GOLGA8F: variants seen among roughly 807,000 people sequenced by gnomAD.
The protein encoded by GOLGA8F is golgin subfamily A member 8F.
For synonymous variants in GOLGA8F, 1 was observed against 35.4 expected, an observed-to-expected ratio of 0.03 and a Z score of 3.45; for missense variants, 2 against 93.4, an observed-to-expected ratio of 0.02 and a Z score of 4.03.
chr15:28,389,877 AG>A lies in GOLGA8F; in HGVS notation c.*817del, dbSNP rs2077641549. On this transcript the variant is annotated 3_prime_UTR_variant, in exon 19 of 19. Coordinates refer to ENST00000526619, the MANE Select transcript of GOLGA8F (RefSeq NM_001350920.2). Reference sequence around the variant, plus strand: ...TGTACTCTTTTTTGATGACCTAAAAAGGGCTTATTTCTGAGGAATGAAAGGT... The same window carrying A: ...TGTACTCTTTTTTGATGACCTAAAAAGGCTTATTTCTGAGGAATGAAAGGT... 1 of 150,352 alleles carries A rather than the reference AG, an allele frequency of 6.7e-6. No individual in the cohort carries two copies. The highest frequency in any genetic ancestry group is 2.2e-4 in the South Asian group (1 of 4,634). The allele number at this position is 150,352 out of a possible 1,614,324, so 9.3% of individuals were successfully genotyped here.
At chr15:28,383,793 AC>A in intron 8 of GOLGA8F, among the ~76,000 whole-genome samples, 1 of 20,318 alleles carries the variant, frequency 4.9e-5, no homozygotes, top group Admixed American at 5.4e-4. Flanking sequence ...TTTTTCATCT[AC>A]ACAATAGAGG....
rs1414345625 is a variant in GOLGA8F, at chr15:28,384,385, T to C, written c.724T>C (p.Tyr242His). The C allele has an allele frequency of 5.0e-6, 1 of 200,116 alleles. No homozygotes were observed. The allele number at this position is 200,116 out of a possible 1,614,324, so 12.4% of individuals were successfully genotyped here. A position where few individuals can be genotyped will look rare whatever the true frequency, so the allele number is the denominator to read the frequency against. ...AGAAGTCCAGCTAGAGAGGGATGAA[T>C]ATGCTGAACATCTAAAAGGAGAGAG... Reference protein sequence around the residue: ...LKEVQLERDEYAEHLKGERAR... With the variant: ...LKEVQLERDEHAEHLKGERAR... Residue 242 changes from tyrosine (Y) to histidine (H), a missense_variant, in exon 10 of 19, where the codon TAT becomes CAT. Tyr to His is a moderately conservative substitution (Grantham distance 83). Transcript: ENST00000526619.
intron 1 of GOLGA8F, among the ~76,000 whole-genome samples, chr15:28,380,103 A>G (rs1235806677): frequency 2.1e-5 from 3 of 141,238 alleles, no homozygotes; most frequent in Admixed American, 7.4e-5. Flanking sequence ...ACACATTGAT[A>G]TAAGAGTTTG....
chr15:28,385,070 T>TTG (rs2077584767), intron 11 of GOLGA8F, 55 bp from the exon 12 acceptor site: 2 of 945,168 alleles, frequency 2.1e-6, no homozygotes, highest in Admixed American at 8.0e-5. Context: ...TTCTTTTCTT[T>TTG]TTTTTTTTTT....
At chr15:28,384,313 C>T (rs1255783706) in intron 9 of GOLGA8F, 30 bp from the exon 10 acceptor site, 1 of 228,630 alleles carries the variant, frequency 4.4e-6, no homozygotes, top group East Asian at 2.7e-5. Flanking sequence ...CAGTGACAGC[C>T]CTTCCTAATT....
chr15:28,389,959 T>TACA lies in GOLGA8F; in HGVS notation c.*897_*898insCAA, dbSNP rs1270547653. The stretch of plus-strand genomic sequence containing the variant: ...TTTCCTAGCTTAGAGCATTTGTATC[T>TACA]ATATTTTAAAGTCAGAGTTCATGTT... On this transcript the variant is annotated 3_prime_UTR_variant, in exon 19 of 19. Coordinates refer to ENST00000526619, the MANE Select transcript of GOLGA8F (RefSeq NM_001350920.2). 1 of 149,630 alleles carries TACA rather than the reference T, an allele frequency of 6.7e-6. No individual in the cohort carries two copies. Among genetic ancestry groups the TACA allele is most frequent in the Non-Finnish European group, 1.5e-5 (1 of 67,608 alleles). The allele number at this position is 149,630 out of a possible 1,614,324, so 9.3% of individuals were successfully genotyped here.
chr15:28,380,104 TAA>T (rs2077552114), intron 1 of GOLGA8F, among the ~76,000 whole-genome samples: 1 of 141,446 alleles, frequency 7.1e-6, no homozygotes, highest in South Asian at 2.9e-4. Context: ...CACATTGATA[TAA>T]GAGTTTGAGA....
chr15:28,385,013 T>C (rs1184568693), intron 11 of GOLGA8F, 112 bp from the exon 12 acceptor site: 1 of 713,972 alleles, frequency 1.4e-6, no homozygotes, highest in African/African-American at 2.2e-5. Flanking sequence ...GAGGCTAAGT[T>C]TGAGGAGCCG....
At position 28,384,224 on chromosome 15, in the gene GOLGA8F, G is replaced by A. The variant is rs549401177; in HGVS notation, c.669G>A (p.Ala223=). The A allele has an allele frequency of 7.6e-4, 177 of 232,786 alleles. 6 individuals carry two copies. Among genetic ancestry groups the A allele is most frequent in the African/African-American group, 3.6e-3 (146 of 40,504 alleles). The allele number at this position is 232,786 out of a possible 1,614,324, so 14.4% of individuals were successfully genotyped here. The part of the protein sequence containing the change: ...QSMREQALLK[A]QLTQLKESLK... The stretch of plus-strand genomic sequence containing the variant: ...TGCGGGAGCAGGCACTGCTGAAAGC[G>A]CAGCTGACACAGGTGAGGTGTTCAG... The change falls in exon 9 of 19, where the codon GCG becomes GCA. Residue 223 remains alanine, a synonymous_variant. Transcript: ENST00000526619.
intron 14 of GOLGA8F, 164 bp downstream of exon 14, chr15:28,387,328 CG>C (rs2077608169): frequency 6.9e-5 from 25 of 359,910 alleles, no homozygotes; most frequent in Middle Eastern, 6.8e-4. Context: ...CTCCTGTGAG[CG>C]GGGGGCCACC....
In GOLGA8F at chr15:28,384,445, CAGG is replaced by C. The variant is rs2077575624; in HGVS notation, c.788_789+1del. ...GCAGCAGAGGATGAGAAAAATGTCG[CAGG>C]AGGTGAGATCTGACCCTTCAGCCCC... On this transcript the variant is annotated inframe_deletion and splice_region_variant, in exon 10 of 19. Transcript: ENST00000526619. 5.8e-6 allele frequency: 1 copy of C among 172,154 alleles called. No individual in the cohort carries two copies. Among genetic ancestry groups the C allele is most frequent in the African/African-American group, 5.3e-5 (1 of 18,914 alleles). 10.7% of individuals were successfully genotyped at this position (172,154 alleles called of 1,614,324 possible). A position where few individuals can be genotyped will look rare whatever the true frequency, so the allele number is the denominator to read the frequency against.
chr15:28,380,056 C>T (rs2077551152), intron 1 of GOLGA8F, among the ~76,000 whole-genome samples: 1 of 139,948 alleles, frequency 7.1e-6, no homozygotes, highest in Non-Finnish European at 1.5e-5. Flanking sequence ...CTGATAAATT[C>T]CCAGATTTAA....
At chr15:28,384,275 C>A (rs2077572224) in intron 9 of GOLGA8F, 39 bp downstream of exon 9, 1 of 237,694 alleles carries the variant, frequency 4.2e-6, no homozygotes, top group African/African-American at 2.4e-5. Context: ...AGAAAGATGA[C>A]CCCAGGTAAC....
chr15:28,383,865 A>G (rs1285826769), intron 8 of GOLGA8F, among the ~76,000 whole-genome samples: 9 of 22,858 alleles, frequency 3.9e-4, no homozygotes, highest in African/African-American at 6.7e-4. Context: ...CTAGCATGGT[A>G]TCTGGTGAAG....
At position 28,384,173 on chromosome 15, in the gene GOLGA8F, T is replaced by G. The variant is rs776169649; in HGVS notation, c.618T>G (p.Arg206=). 1 of 222,336 alleles carries G rather than the reference T, an allele frequency of 4.5e-6. No homozygotes were observed. The highest frequency in any genetic ancestry group is 2.7e-5 in the African/African-American group (1 of 36,894). 13.8% of individuals were successfully genotyped at this position (222,336 alleles called of 1,614,324 possible). ...AGTTCTCCAGCCGCAGTAAAGCACG[T>G]ATGGAGTGGAAGTTAGAGCAGTCCA... ...ERQFSSRSKA[R]MEWKLEQSMR... The change falls in exon 9 of 19, where the codon CGT becomes CGG. Residue 206 remains arginine (R), a synonymous_variant. Transcript: ENST00000526619.
chr15:28,389,639 T>A lies in GOLGA8F; in HGVS notation c.*576T>A, dbSNP rs1450811786. ...AGAACTGGAAACAGCCTTTCCCTCA[T>A]TTTCTGTGTATTGGTGATGGGAGTA... On this transcript the variant is annotated 3_prime_UTR_variant, in exon 19 of 19. Coordinates refer to ENST00000526619, the MANE Select transcript of GOLGA8F (RefSeq NM_001350920.2). The A allele has an allele frequency of 6.0e-6, 1 of 167,886 alleles. No individual in the cohort carries two copies. The highest frequency in any genetic ancestry group is 2.5e-5 in the African/African-American group (1 of 40,714). The allele number at this position is 167,886 out of a possible 1,614,324, so 10.4% of individuals were successfully genotyped here. A position where few individuals can be genotyped will look rare whatever the true frequency, so the allele number is the denominator to read the frequency against.
At position 28,389,341 on chromosome 15, in the gene GOLGA8F, GGT is replaced by G. The variant is rs2077631627; in HGVS notation, c.*280_*281del. On this transcript the variant is annotated 3_prime_UTR_variant, in exon 19 of 19. Coordinates refer to ENST00000526619, the MANE Select transcript of GOLGA8F (RefSeq NM_001350920.2). ...ATGCATATTGAGTTTGCCCTTACGT[GGT>G]GGGAGTTCAAACACACAAAGACCCA... The G allele has an allele frequency of 1.5e-5, 1 of 66,676 alleles. No individual in the cohort carries two copies. The highest frequency in any genetic ancestry group is 5.8e-5 in the African/African-American group (1 of 17,248). The allele number at this position is 66,676 out of a possible 1,614,324, so 4.1% of individuals were successfully genotyped here.
intron 1 of GOLGA8F, among the ~76,000 whole-genome samples, chr15:28,380,293 A>G (rs2077555431): frequency 6.7e-6 from 1 of 148,774 alleles, no homozygotes; most frequent in Non-Finnish European, 1.5e-5. Flanking sequence ...ACTGAGTTTC[A>G]AAGTTCGTCT....
At chr15:28,384,976 A>T (rs2077581879) in intron 11 of GOLGA8F, 149 bp from the exon 12 acceptor site, 2 of 549,744 alleles carry the variant, frequency 3.6e-6, no homozygotes, top group Non-Finnish European at 6.3e-6. Context: ...ACTGGCTACC[A>T]TCTGGGTGCG....
Sources: allele counts gnomAD v4.1 joint callset (sites outside exome capture counted in the v4.1 genomes callset), GRCh38; gene constraint gnomAD v4.1.1; transcripts MANE v1.5; gene names NCBI Gene and HGNC (gene_info 2026-07-23, HGNC 2026-07-21).